HYCC2: variants seen among roughly 807,000 people sequenced by gnomAD.
The protein encoded by HYCC2 is hyccin PI4KA lipid kinase complex subunit 2.
chr2:200,992,402 A>G, the HYCC2 span: 1 of 1,346,124 alleles, frequency 7.4e-7, no homozygotes, highest in Non-Finnish European at 1.1e-6. Context: ...ACTCTTGAGC[A>G]AATATCTAAT....
chr2:201,046,429 G>T, the HYCC2 span, among the ~76,000 whole-genome samples: 1 of 152,102 alleles, frequency 6.6e-6, no homozygotes, highest in Non-Finnish European at 1.5e-5. Context: ...GCAGTGGGGG[G>T]GAAGAACTTG....
the HYCC2 span, among the ~76,000 whole-genome samples, chr2:200,982,781 C>G: frequency 6.6e-6 from 1 of 151,970 alleles, no homozygotes; most frequent in East Asian, 1.9e-4. Flanking sequence ...TTTTTTGAGA[C>G]AGTCTTGCTC....
At chr2:201,026,221 C>T in the HYCC2 span, among the ~76,000 whole-genome samples, 1 of 152,076 alleles carries the variant, frequency 6.6e-6, no homozygotes, top group African/African-American at 2.4e-5. Flanking sequence ...CAAAGAAGGC[C>T]ATTACATGAT....
At chr2:201,064,817 A>C in the HYCC2 span, among the ~76,000 whole-genome samples, 1 of 152,194 alleles carries the variant, frequency 6.6e-6, no homozygotes, top group Non-Finnish European at 1.5e-5. Flanking sequence ...AAAAACTTTT[A>C]ATTTTGAAAT....
chr2:201,003,625 C>T, the HYCC2 span, among the ~76,000 whole-genome samples: 1 of 151,246 alleles, frequency 6.6e-6, no homozygotes, highest in Admixed American at 6.6e-5. Flanking sequence ...AGGAGAATCG[C>T]TTGAACCTGG....
the HYCC2 span, among the ~76,000 whole-genome samples, chr2:201,013,670 C>T: frequency 6.6e-6 from 1 of 152,206 alleles, no homozygotes; most frequent in South Asian, 2.1e-4. Flanking sequence ...GAGGGTATAA[C>T]TTCTTTGTAG....
the HYCC2 span, among the ~76,000 whole-genome samples, chr2:201,052,647 C>T: frequency 6.6e-6 from 1 of 152,124 alleles, no homozygotes; most frequent in African/African-American, 2.4e-5. Flanking sequence ...ACATGAAACA[C>T]AGTTTTCATT....
At chr2:201,002,364 G>A in the HYCC2 span, among the ~76,000 whole-genome samples, 1 of 151,514 alleles carries the variant, frequency 6.6e-6, no homozygotes, top group African/African-American at 2.4e-5. Context: ...TGTGACACCA[G>A]TTTTTAACTA....
the HYCC2 span, among the ~76,000 whole-genome samples, chr2:201,040,424 C>T: frequency 6.6e-6 from 1 of 150,630 alleles, no homozygotes; most frequent in Non-Finnish European, 1.5e-5. Context: ...AAAACAAAAA[C>T]AAATTGAGAA....
the HYCC2 span, chr2:201,064,041 G>A: frequency 6.3e-7 from 1 of 1,593,522 alleles, no homozygotes; most frequent in Non-Finnish European, 8.5e-7. Context: ...GGCAGTGGCA[G>A]AAGATTTTAA....
At chr2:201,065,221 A>G in the HYCC2 span, among the ~76,000 whole-genome samples, 1 of 152,236 alleles carries the variant, frequency 6.6e-6, no homozygotes, top group Non-Finnish European at 1.5e-5. Context: ...ATCATGGAAT[A>G]TGCAATTTTG....
the HYCC2 span, among the ~76,000 whole-genome samples, chr2:201,050,628 C>G: frequency 0.015 from 2,331 of 150,642 alleles, 28 homozygotes; most frequent in Non-Finnish European, 0.024. Flanking sequence ...ATAAAGACTT[C>G]CTATTTTTAA....
At chr2:201,025,405 G>T in the HYCC2 span, among the ~76,000 whole-genome samples, 1 of 151,524 alleles carries the variant, frequency 6.6e-6, no homozygotes, top group East Asian at 1.9e-4. Context: ...TATAGTGGAG[G>T]AGACCAAACA....
At chr2:201,032,122 G>A in the HYCC2 span, among the ~76,000 whole-genome samples, 1 of 151,836 alleles carries the variant, frequency 6.6e-6, no homozygotes, top group Non-Finnish European at 1.5e-5. Context: ...CACCATGCCC[G>A]GCTAATTTTT....
At chr2:201,002,161 C>T in the HYCC2 span, among the ~76,000 whole-genome samples, 5 of 148,678 alleles carry the variant, frequency 3.4e-5, no homozygotes, top group African/African-American at 4.9e-5. Context: ...GGGCTGGGCA[C>T]AGTGGCTCAC....
chr2:201,063,254 G>A, the HYCC2 span: 8 of 1,591,030 alleles, frequency 5.0e-6, no homozygotes, highest in Non-Finnish European at 6.8e-6. Context: ...GTGCTCCACG[G>A]GCTTTGGGTT....
chr2:200,999,789 C>T, the HYCC2 span, among the ~76,000 whole-genome samples: 892 of 150,590 alleles, frequency 5.9e-3, 1 homozygote, highest in Admixed American at 0.011. Flanking sequence ...AAGGGCTGGG[C>T]GCAGTGGCTC....
the HYCC2 span, among the ~76,000 whole-genome samples, chr2:201,066,509 A>G: frequency 2.0e-5 from 3 of 152,256 alleles, no homozygotes; most frequent in Admixed American, 6.5e-5. Flanking sequence ...TACACAGATT[A>G]AAAAGCCCCA....
the HYCC2 span, among the ~76,000 whole-genome samples, chr2:201,067,908 G>A: frequency 6.6e-6 from 1 of 152,192 alleles, no homozygotes; most frequent in South Asian, 2.1e-4. Flanking sequence ...GCAGCTAAGT[G>A]CCAAGTAAGA....
Sources: gnomAD v4.1 joint callset for allele counts (sites outside exome capture counted in the v4.1 genomes callset) on GRCh38, gnomAD v4.1.1 for gene constraint, MANE v1.5 for transcripts, NCBI Gene and HGNC (gene_info 2026-07-23, HGNC 2026-07-21) for gene names.